TRPM1: variants seen among roughly 807,000 people sequenced by gnomAD.
TRPM1 encodes the protein transient receptor potential cation channel subfamily M member 1.
Under a neutral mutation model 149.4 loss-of-function variants are expected in TRPM1, and 113 were observed. The ratio of observed to expected loss-of-function variants is 0.76; its 90% CI spans 0.65 to 0.88. TRPM1 has a LOEUF of 0.88. Among genes scored for constraint, TRPM1 ranks in the 40% least tolerant of loss-of-function variants. The pLI is 0.00. For missense variants in TRPM1, 1,976 were observed against 2,038.7 expected (o/e 0.97, Z 0.59); for synonymous variants, 741 against 759.5 (o/e 0.98, Z 0.40).
intron 27 of TRPM1, among the ~76,000 whole-genome samples, chr15:31,012,806 C>G (rs2032232536): frequency 6.6e-6 from 1 of 152,024 alleles, no homozygotes; most frequent in South Asian, 2.1e-4. Context: ...TTCATTTCCT[C>G]CCCCTGTTCC....
At chr15:31,133,888 A>C (rs913777091) in intron 1 of TRPM1, among the ~76,000 whole-genome samples, 2 of 152,184 alleles carry the variant, frequency 1.3e-5, no homozygotes, top group African/African-American at 2.4e-5. Context: ...CTGGGGATGC[A>C]TAAACAAGTA....
chr15:31,060,691 C>T lies in TRPM1; in HGVS notation c.1163-47G>A, dbSNP rs185865058. Reference sequence around the variant, plus strand: ...ATGATTTTTCACTCCACGCCTGGACCGCCAGGGTTTGGCAGGTGCTGGGTG... The same window carrying T: ...ATGATTTTTCACTCCACGCCTGGACTGCCAGGGTTTGGCAGGTGCTGGGTG... On this transcript the variant is annotated intron_variant, in intron 10 of 27. Transcript: ENST00000256552. The T allele has an allele frequency of 5.5e-5, 85 of 1,533,774 alleles. No homozygotes were observed. The Admixed American group carries it at 8.3e-4, about 15-fold the overall frequency.
At chr15:31,009,944 T>G (rs2032124087) in intron 27 of TRPM1, among the ~76,000 whole-genome samples, 1 of 152,234 alleles carries the variant, frequency 6.6e-6, no homozygotes, top group Non-Finnish European at 1.5e-5. Context: ...TCCAGAGCCT[T>G]TGCAATTTTG....
At chr15:31,063,402 G>T in intron 7 of TRPM1, 110 bp from the exon 8 acceptor site, 2 of 1,365,220 alleles carry the variant, frequency 1.5e-6, no homozygotes, top group Non-Finnish European at 2.1e-6. Flanking sequence ...CTTGGGGGAT[G>T]TTCTATCTGG....
At chr15:31,092,122 T>C (rs1320783419) in intron 1 of TRPM1, among the ~76,000 whole-genome samples, 1 of 10,140 alleles carries the variant, frequency 9.9e-5, no homozygotes, top group African/African-American at 4.4e-4. Flanking sequence ...TGGGGTGGGG[T>C]GGGGTGGGAC....
chr15:31,103,178 C>T (rs3826030), upstream of TRPM1, among the ~76,000 whole-genome samples: 1 of 152,144 alleles, frequency 6.6e-6, no homozygotes, highest in Admixed American at 6.5e-5. Context: ...GCAGTGGGCC[C>T]TTCACTAGAC....
upstream of TRPM1, among the ~76,000 whole-genome samples, chr15:31,103,655 A>T (rs1244827327): frequency 6.6e-6 from 1 of 151,822 alleles, no homozygotes; most frequent in African/African-American, 2.4e-5. Flanking sequence ...TCTACTAAAA[A>T]TATAAAAAAT....
At chr15:31,126,731 AG>A (rs2141039085) in intron 1 of TRPM1, among the ~76,000 whole-genome samples, 1 of 152,318 alleles carries the variant, frequency 6.6e-6, no homozygotes, top group South Asian at 2.1e-4. Context: ...TGGGAGGCCA[AG>A]GCAGACAGAT....
At chr15:31,088,887 G>C (rs963413489) in intron 1 of TRPM1, among the ~76,000 whole-genome samples, 8 of 152,238 alleles carry the variant, frequency 5.3e-5, no homozygotes, top group African/African-American at 1.9e-4. Flanking sequence ...CCCCCGAGCG[G>C]GAGATCAGTG....
chr15:31,125,695 A>C (rs1288421506), intron 1 of TRPM1, among the ~76,000 whole-genome samples: 6 of 125,168 alleles, frequency 4.8e-5, no homozygotes, highest in Non-Finnish European at 9.6e-5. Context: ...CCGCCACTGC[A>C]CTCCAGCCTG....
At chr15:31,124,487 C>T (rs1387285412) in intron 1 of TRPM1, among the ~76,000 whole-genome samples, 1 of 149,518 alleles carries the variant, frequency 6.7e-6, no homozygotes, top group Non-Finnish European at 1.5e-5. Flanking sequence ...AATCTTCTCT[C>T]TACTAAAAAT....
intron 4 of TRPM1, among the ~76,000 whole-genome samples, chr15:31,068,518 G>C (rs1231635255): frequency 6.6e-6 from 1 of 151,958 alleles, no homozygotes; most frequent in Non-Finnish European, 1.5e-5. Context: ...GAGGCAGGTG[G>C]ATCACTTGAG....
intron 10 of TRPM1, among the ~76,000 whole-genome samples, 177 bp from the exon 11 acceptor site, chr15:31,060,821 G>T (rs963895816): frequency 1.3e-5 from 2 of 152,324 alleles, no homozygotes; most frequent in Non-Finnish European, 2.9e-5. Flanking sequence ...AGCTTCCCTG[G>T]AGGAAGGTGG....
At chr15:31,039,811 C>T (rs1427733651) in intron 18 of TRPM1, among the ~76,000 whole-genome samples, 1 of 152,102 alleles carries the variant, frequency 6.6e-6, no homozygotes, top group Non-Finnish European at 1.5e-5. Context: ...TTATGGGGGG[C>T]TCCATTAGGA....
intron 1 of TRPM1, among the ~76,000 whole-genome samples, chr15:31,156,191 C>T (rs1187621899): frequency 1.2e-5 from 1 of 80,486 alleles, no homozygotes; most frequent in Non-Finnish European, 2.2e-5. Flanking sequence ...AGCGAGACCT[C>T]TGTCAAAAAA....
rs762961492 is a variant in TRPM1 at position 31,040,095 on chromosome 15, G to T, written c.2316+23C>A. On this transcript the variant is annotated intron_variant, in intron 18 of 27. Transcript: ENST00000256552. The surrounding 1 kb of genome is among the most constrained non-coding windows in gnomAD (Gnocchi z 4.2). ...TCACTTGTCACTGTCACCCTGGCCC[G>T]CCTCGCAGCACGTTGCACGCACCTT... The T allele has an allele frequency of 1.2e-6, 2 of 1,608,718 alleles. No individual in the cohort carries two copies. Among genetic ancestry groups the T allele is most frequent in the South Asian group, 2.2e-5 (2 of 90,966 alleles).
chr15:31,143,653 T>G (rs2036186903), intron 1 of TRPM1, among the ~76,000 whole-genome samples: 1 of 152,124 alleles, frequency 6.6e-6, no homozygotes, highest in Non-Finnish European at 1.5e-5. Context: ...CCTCAAGTGA[T>G]CCACCCACCT....
At chr15:31,086,764 G>A (rs867152414) in intron 1 of TRPM1, among the ~76,000 whole-genome samples, 2 of 152,196 alleles carry the variant, frequency 1.3e-5, no homozygotes, top group Non-Finnish European at 2.9e-5. Context: ...AAGGGAGGTT[G>A]TTAAAAGTGT....
chr15:31,035,107 TGATCCTTCCACCTCAGCCTCCTGA>T (rs2033293473), intron 21 of TRPM1, among the ~76,000 whole-genome samples: 1 of 152,212 alleles, frequency 6.6e-6, no homozygotes, highest in Non-Finnish European at 1.5e-5. Context: ...AGGGTTCAAG[TGATCCTTCCACCTCAGCCTCCTGA>T]GTAGCCGAAA....
Sources: gnomAD v4.1 joint callset for allele counts (sites outside exome capture counted in the v4.1 genomes callset) on GRCh38, gnomAD v4.1.1 for gene constraint, Gnocchi (gnomAD v3.1) non-coding constraint, MANE v1.5 for transcripts, NCBI Gene and HGNC (gene_info 2026-07-23, HGNC 2026-07-21) for gene names.